ZNF420: variants seen among roughly 807,000 people sequenced by gnomAD.
ZNF420 encodes zinc finger protein 420, also known as ATM and p53-associated KZNF protein.
Under a neutral mutation model 44.7 loss-of-function variants are expected in ZNF420, and 31 were observed. That is an observed-to-expected ratio of 0.69 (90% CI 0.52 to 0.94). ZNF420 has a LOEUF of 0.94. ZNF420 is among the 40% of genes least tolerant of loss of function. The pLI is 0.00. For missense variants in ZNF420, 681 were observed against 827.9 expected, an observed-to-expected ratio of 0.82 and a Z score of 2.18; for synonymous variants, 245 against 267.4, an observed-to-expected ratio of 0.92 and a Z score of 0.82.
At chr19:37,084,658 C>T (rs1057172081) in intron 2 of ZNF420, among the ~76,000 whole-genome samples, 1 of 152,046 alleles carries the variant, frequency 6.6e-6, no homozygotes, top group Non-Finnish European at 1.5e-5. Flanking sequence ...TCTGGGCCTT[C>T]TCTGTGGACA....
chr19:37,030,152 TTTG>T (rs200374712), intron 1 of ZNF420, among the ~76,000 whole-genome samples: 67 of 151,882 alleles, frequency 4.4e-4, no homozygotes, highest in Middle Eastern at 3.4e-3. Flanking sequence ...GTTCTCTGTT[TTTG>T]TTGTTGTTGT....
At chr19:37,119,644 A>C (rs1970909922) in intron 4 of ZNF420, among the ~76,000 whole-genome samples, 1 of 152,044 alleles carries the variant, frequency 6.6e-6, no homozygotes. Flanking sequence ...AAGGAAATAG[A>C]GACACAAAAA....
chr19:37,035,767 G>C (rs1419008749), intron 1 of ZNF420, among the ~76,000 whole-genome samples: 1 of 152,014 alleles, frequency 6.6e-6, no homozygotes, highest in East Asian at 1.9e-4. Flanking sequence ...AAGGGCCTTT[G>C]ACAAGAGCTT....
chr19:37,050,791 C>T (rs1161244539), intron 1 of ZNF420, among the ~76,000 whole-genome samples: 1 of 152,142 alleles, frequency 6.6e-6, no homozygotes, highest in East Asian at 1.9e-4. Flanking sequence ...CTGTCTTGTG[C>T]CAGCTTTCAA....
intron 4 of ZNF420, chr19:37,092,252 TGAG>T (rs1383719403): frequency 1.3e-5 from 2 of 152,128 alleles, no homozygotes; most frequent in South Asian, 2.1e-4. Flanking sequence ...ACCTATGACT[TGAG>T]GAGAAAAGCA....
chr19:37,115,317 C>T (rs1035136666), intron 4 of ZNF420, among the ~76,000 whole-genome samples: 19 of 152,096 alleles, frequency 1.2e-4, no homozygotes, highest in Non-Finnish European at 2.1e-4. Context: ...CCCAGGGGAC[C>T]GGCGCTCACC....
At chr19:37,058,596 G>T (rs188839219) in intron 1 of ZNF420, among the ~76,000 whole-genome samples, 117 of 152,192 alleles carry the variant, frequency 7.7e-4, no homozygotes, top group African/African-American at 2.7e-3. Context: ...CCTAGAGCAG[G>T]CATCCCAAAA....
At chr19:37,086,916 G>A (rs996812801) in intron 2 of ZNF420, among the ~76,000 whole-genome samples, 8 of 151,970 alleles carry the variant, frequency 5.3e-5, no homozygotes, top group African/African-American at 1.2e-4. Context: ...TTTTTTTATT[G>A]GAATGGTTGA....
At chr19:37,077,437 A>G (rs1412643817), upstream of ZNF420, among the ~76,000 whole-genome samples, 2 of 152,242 alleles carry the variant, frequency 1.3e-5, no homozygotes, top group Non-Finnish European at 2.9e-5. Flanking sequence ...TGGCAGAGGA[A>G]AAGGCAGTTA....
chr19:37,113,655 C>T (rs1970502459), intron 4 of ZNF420, among the ~76,000 whole-genome samples: 1 of 152,156 alleles, frequency 6.6e-6, no homozygotes, highest in African/African-American at 2.4e-5. Context: ...GAGGGGCAGG[C>T]GGTTCCTGGG....
intron 1 of ZNF420, among the ~76,000 whole-genome samples, chr19:37,039,486 C>A (rs1187135167): frequency 6.6e-6 from 1 of 152,126 alleles, no homozygotes; most frequent in Non-Finnish European, 1.5e-5. Flanking sequence ...TGAAAGGAAT[C>A]TTTTTTTCTG....
intron 1 of ZNF420, among the ~76,000 whole-genome samples, chr19:37,034,144 A>G (rs1967312481): frequency 6.6e-6 from 1 of 151,810 alleles, no homozygotes; most frequent in Admixed American, 6.6e-5. Flanking sequence ...GAAAGGCACA[A>G]GGGTTCTGAT....
intron 1 of ZNF420, among the ~76,000 whole-genome samples, chr19:37,038,935 G>A (rs188723408): frequency 2.8e-4 from 43 of 151,588 alleles, no homozygotes; most frequent in African/African-American, 9.7e-4. Flanking sequence ...GCAGTGAGTC[G>A]AGAACGCACC....
chr19:37,042,060 C>T (rs968520130), intron 1 of ZNF420, among the ~76,000 whole-genome samples: 15 of 152,160 alleles, frequency 9.9e-5, no homozygotes, highest in Non-Finnish European at 1.9e-4. Context: ...AGTGCTGTGG[C>T]GTGATCTTGG....
chr19:37,124,092 C>T (rs112085365), intron 4 of ZNF420, among the ~76,000 whole-genome samples: 2,928 of 152,216 alleles, frequency 0.019, 77 homozygotes, highest in East Asian at 0.049. Context: ...TCATTGTCAA[C>T]CTCTCCCCTT....
At chr19:37,054,304 C>T (rs6510583) in intron 1 of ZNF420, among the ~76,000 whole-genome samples, 26,930 of 152,240 alleles carry the variant, frequency 0.18, 2,600 homozygotes, top group African/African-American at 0.26. Context: ...CCTTGCGCTT[C>T]CTGGGTGAGG....
intron 4 of ZNF420, among the ~76,000 whole-genome samples, chr19:37,122,920 C>T (rs1257462085): frequency 6.6e-6 from 1 of 152,218 alleles, no homozygotes; most frequent in African/African-American, 2.4e-5. Context: ...ACATTTGTGT[C>T]TATTGAACAT....
At chr19:37,035,825 AATC>A (rs372134678) in intron 1 of ZNF420, among the ~76,000 whole-genome samples, 1 of 148,806 alleles carries the variant, frequency 6.7e-6, no homozygotes, top group African/African-American at 2.5e-5. Context: ...ATCATTCAAT[AATC>A]ATAATCATAA....
intron 1 of ZNF420, among the ~76,000 whole-genome samples, chr19:37,054,031 TGTTC>T (rs1007381104): frequency 2.0e-5 from 3 of 152,228 alleles, no homozygotes; most frequent in African/African-American, 7.2e-5. Flanking sequence ...CCAGCCGCTT[TGTTC>T]ACCTACTGAC....
Sources: gnomAD v4.1 joint callset for allele counts (sites outside exome capture counted in the v4.1 genomes callset) on GRCh38, gnomAD v4.1.1 for gene constraint, MANE v1.5 for transcripts, NCBI Gene and HGNC (gene_info 2026-07-23, HGNC 2026-07-21) for gene names.